LRGUK: variants seen among roughly 807,000 people sequenced by gnomAD.
LRGUK encodes the protein leucine-rich repeat and guanylate kinase domain-containing protein.
LRGUK carries 65 observed loss-of-function variants against 76.0 expected under a neutral mutation model. That is an observed-to-expected ratio of 0.85 (90% CI 0.70 to 1.05). LRGUK has a LOEUF of 1.05. Ranked by LOEUF, LRGUK falls within the 50% of genes least tolerant of loss-of-function variation. LRGUK has a pLI of 0.00. For synonymous variants in LRGUK, 268 were observed against 265.6 expected (o/e 1.01, Z -0.09); for missense variants, 758 against 732.8 (o/e 1.03, Z -0.40).
intron 10 of LRGUK, among the ~76,000 whole-genome samples, chr7:134,181,088 C>A (rs948322419): frequency 1.8e-4 from 28 of 152,156 alleles, no homozygotes; most frequent in African/African-American, 6.0e-4. Flanking sequence ...AGTCTCAATT[C>A]TCTGGCTAAC....
At chr7:134,166,168 TCTG>T (rs1798975364) in intron 7 of LRGUK, among the ~76,000 whole-genome samples, 1 of 152,136 alleles carries the variant, frequency 6.6e-6, no homozygotes, top group African/African-American at 2.4e-5. Flanking sequence ...TAACCTAGCT[TCTG>T]CTTCTCATAT....
At chr7:134,271,232 A>T in the LRGUK span, among the ~76,000 whole-genome samples, 2 of 151,958 alleles carry the variant, frequency 1.3e-5, no homozygotes, top group African/African-American at 4.8e-5. Flanking sequence ...AGCATATTAC[A>T]AAGATCTTTT....
chr7:134,157,239 G>A (rs1798505888), intron 5 of LRGUK, among the ~76,000 whole-genome samples: 1 of 152,170 alleles, frequency 6.6e-6, no homozygotes, highest in Admixed American at 6.5e-5. Flanking sequence ...GGAAAGAAAG[G>A]GCTGTTCCTT....
chr7:134,132,277 T>C (rs1174014149), intron 1 of LRGUK, among the ~76,000 whole-genome samples: 1 of 151,780 alleles, frequency 6.6e-6, no homozygotes, highest in Non-Finnish European at 1.5e-5. Flanking sequence ...ATCACTCGAG[T>C]CCAGGAGTTC....
At chr7:134,255,882 C>T (rs1300089019) in intron 18 of LRGUK, among the ~76,000 whole-genome samples, 1 of 152,056 alleles carries the variant, frequency 6.6e-6, no homozygotes, top group East Asian at 1.9e-4. Flanking sequence ...CTACCAATAT[C>T]TGAGGGCATC....
chr7:134,230,084 GA>G (rs1313467083), intron 16 of LRGUK, among the ~76,000 whole-genome samples: 5 of 151,374 alleles, frequency 3.3e-5, no homozygotes, highest in Non-Finnish European at 7.4e-5. Context: ...ACAGCATGAG[GA>G]AAAAAAAGAC....
chr7:134,231,283 A>G (rs1801882874), intron 16 of LRGUK, among the ~76,000 whole-genome samples: 1 of 152,186 alleles, frequency 6.6e-6, no homozygotes, highest in Non-Finnish European at 1.5e-5. Context: ...CATGTAAGAA[A>G]GTAGTGTCTG....
At chr7:134,265,006 C>G (rs549924338), downstream of LRGUK, among the ~76,000 whole-genome samples, 19 of 152,284 alleles carry the variant, frequency 1.2e-4, no homozygotes, top group African/African-American at 4.6e-4. Flanking sequence ...TGTCCTCCCC[C>G]AGTCCTGCTC....
rs542970245 is a variant in LRGUK at position 134,133,010 on chromosome 7, G to A, written c.298-4013G>A. 1.5e-4 allele frequency among the ~76,000 whole-genome samples: 23 copies of A among 152,296 alleles called. No homozygotes were observed. The South Asian group carries it at 2.5e-3, about 16-fold the overall frequency. On this transcript the variant is annotated intron_variant, in intron 1 of 15. Coordinates refer to ENST00000645682, the Ensembl canonical transcript of LRGUK. ...AGGGGCTGATGAAGAACGGGAGACCGTTCATAGCAAAGAGGCCCAGCTGAA... is the reference window on the plus strand; with the variant it reads ...AGGGGCTGATGAAGAACGGGAGACCATTCATAGCAAAGAGGCCCAGCTGAA...
chr7:134,183,915 T>C (rs6952909), intron 11 of LRGUK, 62 bp downstream of exon 11: 192,614 of 1,588,650 alleles, frequency 0.12, 16,826 homozygotes, highest in East Asian at 0.4. Context: ...GAGGTATCAA[T>C]AGTTGTAGTA....
chr7:134,184,013 A>G (rs1256445850), intron 11 of LRGUK, among the ~76,000 whole-genome samples, 160 bp downstream of exon 11: 1 of 152,258 alleles, frequency 6.6e-6, no homozygotes, highest in Non-Finnish European at 1.5e-5. Context: ...TACACTTTAT[A>G]GCAAAGCCAA....
downstream of LRGUK, among the ~76,000 whole-genome samples, chr7:134,265,006 C>A (rs549924338): frequency 6.6e-6 from 1 of 152,166 alleles, no homozygotes; most frequent in Non-Finnish European, 1.5e-5. Flanking sequence ...TGTCCTCCCC[C>A]AGTCCTGCTC....
At chr7:134,174,859 C>T (rs1799417164) in intron 8 of LRGUK, among the ~76,000 whole-genome samples, 1 of 152,118 alleles carries the variant, frequency 6.6e-6, no homozygotes, top group Non-Finnish European at 1.5e-5. Flanking sequence ...CAAGCTGTCA[C>T]ATGACTGTCA....
intron 16 of LRGUK, among the ~76,000 whole-genome samples, chr7:134,245,021 G>A (rs1802260219): frequency 6.6e-6 from 1 of 150,950 alleles, no homozygotes; most frequent in South Asian, 2.2e-4. Context: ...TTGGACACAG[G>A]GTGGGGAACA....
At chr7:134,171,390 A>G (rs569311847) in intron 7 of LRGUK, among the ~76,000 whole-genome samples, 1 of 151,782 alleles carries the variant, frequency 6.6e-6, no homozygotes, top group South Asian at 2.1e-4. Context: ...TAAGACGACA[A>G]ATATATATAT....
At chr7:134,150,006 T>C (rs991347664) in intron 5 of LRGUK, among the ~76,000 whole-genome samples, 11 of 152,196 alleles carry the variant, frequency 7.2e-5, no homozygotes, top group Non-Finnish European at 1.5e-4. Flanking sequence ...CCGGGCGTGG[T>C]GGCTTATGCC....
downstream of LRGUK, among the ~76,000 whole-genome samples, chr7:134,269,053 TA>T (rs754287162): frequency 2.0e-5 from 3 of 151,918 alleles, no homozygotes; most frequent in Non-Finnish European, 2.9e-5. Context: ...AACAAAATAT[TA>T]ACCAAAAAAG....
chr7:134,161,974 G>A (rs915776054), intron 6 of LRGUK, among the ~76,000 whole-genome samples: 18 of 152,064 alleles, frequency 1.2e-4, no homozygotes, highest in Non-Finnish European at 1.9e-4. Context: ...TTACAGGCCC[G>A]GCCAAGAATA....
chr7:134,131,203 T>C (rs993988833), intron 1 of LRGUK, among the ~76,000 whole-genome samples: 2 of 152,210 alleles, frequency 1.3e-5, no homozygotes, highest in African/African-American at 4.8e-5. Context: ...CTGTGATAGT[T>C]ATGAACATGA....
Sources: gnomAD v4.1 joint callset for allele counts (sites outside exome capture counted in the v4.1 genomes callset) on GRCh38, gnomAD v4.1.1 for gene constraint, MANE v1.5 for transcripts, NCBI Gene and HGNC (gene_info 2026-07-23, HGNC 2026-07-21) for gene names.